Variants in AFF3 observed in about 807,000 individuals in gnomAD.
AFF3 encodes the protein AF4/FMR2 family member 3.
In AFF3, 32 loss-of-function variants were observed where a neutral mutation model predicts 129.7. The observed-to-expected ratio is 0.25, with a 90% confidence interval of 0.19 to 0.33. The LOEUF (loss-of-function observed/expected upper bound fraction) is 0.33. AFF3 is among the 10% of genes least tolerant of loss of function. The probability of loss-of-function intolerance (pLI) is 1.00; values close to 1 mark genes in which losing one functional copy is unlikely to be tolerated. For missense variants in AFF3, 1,373 were observed against 1,592.0 expected (o/e 0.86, Z 2.34); for synonymous variants, 644 against 635.4 (o/e 1.01, Z -0.20).
intron 7 of AFF3, among the ~76,000 whole-genome samples, chr2:99,928,735 C>T (rs1696462889): frequency 6.6e-6 from 1 of 152,158 alleles, no homozygotes; most frequent in African/African-American, 2.4e-5. Context: ...CCGGTCTTGG[C>T]CATGTGCTGG....
intron 8 of AFF3, among the ~76,000 whole-genome samples, chr2:99,786,322 T>C (rs541441531): frequency 2.0e-5 from 3 of 152,174 alleles, no homozygotes; most frequent in African/African-American, 4.8e-5. Flanking sequence ...CCATGAGATA[T>C]TGGCACTAAA....
chr2:99,809,673 G>T (rs984393369), intron 8 of AFF3, among the ~76,000 whole-genome samples: 1 of 152,126 alleles, frequency 6.6e-6, no homozygotes, highest in Non-Finnish European at 1.5e-5. Context: ...AAGTAAGGAG[G>T]AAAGCTATTT....
At chr2:99,977,110 G>A (rs1258536042) in intron 7 of AFF3, among the ~76,000 whole-genome samples, 1 of 152,144 alleles carries the variant, frequency 6.6e-6, no homozygotes, top group Non-Finnish European at 1.5e-5. Context: ...TCAAAAATAG[G>A]ATAGATCCTT....
chr2:99,814,160 G>A (rs1009372902), intron 8 of AFF3, among the ~76,000 whole-genome samples: 3 of 152,074 alleles, frequency 2.0e-5, no homozygotes, highest in African/African-American at 7.2e-5. Context: ...TCCCCTATCT[G>A]TAGTGGGTAA....
chr2:99,830,086 C>T (rs1688405329), intron 8 of AFF3, among the ~76,000 whole-genome samples: 1 of 152,034 alleles, frequency 6.6e-6, no homozygotes, highest in South Asian at 2.1e-4. Context: ...AACACATGGA[C>T]ACAAGGAGGG....
chr2:100,000,806 G>T (rs1163381318), intron 7 of AFF3, among the ~76,000 whole-genome samples: 1 of 152,200 alleles, frequency 6.6e-6, no homozygotes, highest in Non-Finnish European at 1.5e-5. Context: ...ACGGCTGACA[G>T]GTGGCAGGCC....
At chr2:99,751,878 A>G (rs1452532352) in intron 9 of AFF3, among the ~76,000 whole-genome samples, 1 of 152,222 alleles carries the variant, frequency 6.6e-6, no homozygotes, top group Non-Finnish European at 1.5e-5. Flanking sequence ...TTAATTTAAT[A>G]ATAGCTTTTC....
At chr2:100,088,183 GAAA>G (rs1427910955) in intron 4 of AFF3, among the ~76,000 whole-genome samples, 2 of 144,692 alleles carry the variant, frequency 1.4e-5, no homozygotes, top group Non-Finnish European at 3.0e-5. Context: ...AATCGGGCAA[GAAA>G]AAAAAATTAA....
At chr2:99,933,359 C>G (rs1226895790) in intron 7 of AFF3, among the ~76,000 whole-genome samples, 2 of 151,988 alleles carry the variant, frequency 1.3e-5, no homozygotes, top group Non-Finnish European at 2.9e-5. Flanking sequence ...CTGGGACACA[C>G]GTGCAGAACA....
At chr2:99,807,519 G>A (rs1387791966) in intron 8 of AFF3, among the ~76,000 whole-genome samples, 4 of 152,134 alleles carry the variant, frequency 2.6e-5, no homozygotes, top group Non-Finnish European at 4.4e-5. Context: ...ATTCTACTCC[G>A]TGGTCCTGGT....
chr2:99,572,844 CCA>C (rs1310656242), intron 18 of AFF3, among the ~76,000 whole-genome samples: 3 of 152,222 alleles, frequency 2.0e-5, no homozygotes, highest in African/African-American at 7.2e-5. Flanking sequence ...AGGCACTTCC[CCA>C]CAGATCCAGG....
At chr2:99,785,331 G>A (rs978019234) in intron 8 of AFF3, among the ~76,000 whole-genome samples, 75 of 152,088 alleles carry the variant, frequency 4.9e-4, no homozygotes, top group Admixed American at 4.8e-3. Flanking sequence ...CACATTAAAC[G>A]GCCATTTCCA....
At chr2:99,835,725 C>T (rs1364700479) in intron 8 of AFF3, among the ~76,000 whole-genome samples, 1 of 152,136 alleles carries the variant, frequency 6.6e-6, no homozygotes. Context: ...GCTCAGTTGC[C>T]TCCTAATCCA....
rs149330691 is a variant in AFF3 at position 99,593,996 on chromosome 2, G to A, written c.1665C>T (p.Ala555=). 1.3e-4 allele frequency: 200 copies of A among 1,542,322 alleles called. No individual in the cohort carries two copies. In the African/African-American group the frequency reaches 2.5e-3, roughly 20 times the overall value. ...GCGGGGCGGCTGCGCTCACCGCCAC[G>A]GCCACGGCCGCGGGCGGGGACTTCT... ...VKQKSPPAAV[A]VAVSAAAPPP... is the part of the protein sequence containing the mutation. Residue 555 remains alanine (A), a synonymous_variant, in exon 15 of 25, where the codon GCC becomes GCT. Coordinates refer to ENST00000672756, the MANE Select transcript of AFF3 (RefSeq NM_001386135.1).
intron 4 of AFF3, among the ~76,000 whole-genome samples, chr2:100,058,447 T>C (rs780960769): frequency 2.6e-5 from 4 of 152,198 alleles, no homozygotes; most frequent in Non-Finnish European, 5.9e-5. Context: ...AAAAAATATA[T>C]AAACATTGTT....
In AFF3 at chr2:100,092,226, A is replaced by G. The variant is rs1689916976; in HGVS notation, c.53+12176T>C. Among the ~76,000 whole-genome samples the G allele has an allele frequency of 1.3e-5, 2 of 151,692 alleles. 1 individual carries two copies. The highest frequency in any genetic ancestry group is 4.2e-4 in the South Asian group (2 of 4,798). ...CCCCACTCAGCTTGCTCTTCCTCCT[A>G]CTTTCCCTATCTCATCACACAAGCT... On this transcript the variant is annotated intron_variant, in intron 4 of 24. Coordinates refer to ENST00000672756, the MANE Select transcript of AFF3 (RefSeq NM_001386135.1).
intron 13 of AFF3, among the ~76,000 whole-genome samples, chr2:99,607,085 T>G (rs1412047195): frequency 6.6e-6 from 1 of 152,210 alleles, no homozygotes; most frequent in Non-Finnish European, 1.5e-5. Context: ...ATGAAATGTT[T>G]GGCTGGTTTT....
At chr2:99,897,082 A>T (rs1694028336) in intron 7 of AFF3, among the ~76,000 whole-genome samples, 1 of 152,202 alleles carries the variant, frequency 6.6e-6, no homozygotes. Context: ...AAGGCTTTTT[A>T]AAAAGCTGAA....
At chr2:99,592,770 C>A (rs1418278137) in intron 15 of AFF3, among the ~76,000 whole-genome samples, 3 of 151,996 alleles carry the variant, frequency 2.0e-5, no homozygotes, top group Admixed American at 6.6e-5. Context: ...CCTGTCTTTA[C>A]TAAAAATACA....
Sources: gnomAD v4.1 joint callset for allele counts (sites outside exome capture counted in the v4.1 genomes callset) on GRCh38, gnomAD v4.1.1 for gene constraint, MANE v1.5 for transcripts, NCBI Gene and HGNC (gene_info 2026-07-23, HGNC 2026-07-21) for gene names.